VPS41: variants seen among roughly 807,000 people sequenced by gnomAD.
VPS41 encodes the protein VPS41 subunit of HOPS complex.
A neutral mutation model predicts 130.9 loss-of-function variants in VPS41; 85 were observed. The observed-to-expected ratio is 0.65, with a 90% CI of 0.55 to 0.78. The LOEUF (loss-of-function observed/expected upper bound fraction) is 0.78, where lower values mean the gene tolerates loss of function less well. Ranked by LOEUF, VPS41 falls within the 30% of genes least tolerant of loss-of-function variation. The pLI is 0.00. For missense variants in VPS41, 874 were observed against 1,018.7 expected (o/e 0.86, Z 1.93); for synonymous variants, 335 against 332.9 (o/e 1.01, Z -0.07).
chr7:38,869,941 C>A (rs1786313024), intron 2 of VPS41, among the ~76,000 whole-genome samples: 1 of 152,186 alleles, frequency 6.6e-6, no homozygotes, highest in Non-Finnish European at 1.5e-5. Flanking sequence ...TATATAACAA[C>A]ATCTATCCAA....
chr7:38,742,735 A>G (rs771637721), intron 24 of VPS41, among the ~76,000 whole-genome samples: 4 of 149,670 alleles, frequency 2.7e-5, no homozygotes, highest in Admixed American at 2.1e-4. Flanking sequence ...AGGTAGTTAC[A>G]TGAACACAAA....
chr7:38,748,391 T>C (rs1796029418), intron 22 of VPS41, among the ~76,000 whole-genome samples: 1 of 152,134 alleles, frequency 6.6e-6, no homozygotes, highest in Non-Finnish European at 1.5e-5. Context: ...AATAAGAACC[T>C]TATCAAATGT....
At position 38,754,891 on chromosome 7, in the gene VPS41, T is replaced by G. The variant is rs1289225018; in HGVS notation, c.1737+4A>C. 1 of 1,613,368 alleles carries G rather than the reference T, an allele frequency of 6.2e-7. No individual in the cohort carries two copies. The highest frequency in any genetic ancestry group is 1.7e-4 in the Middle Eastern group (1 of 6,052). On this transcript the variant is annotated splice_donor_region_variant and intron_variant, in intron 20 of 28. Coordinates refer to ENST00000310301, the MANE Select transcript of VPS41 (RefSeq NM_014396.4). ...TAACACATATAAAAACAAATGACAC[T>G]CACTGAAATTTTATCTTCATTGTCC...
intron 8 of VPS41, 115 bp from the exon 9 acceptor site, chr7:38,795,726 T>C (rs1784606236): frequency 2.1e-6 from 2 of 936,294 alleles, no homozygotes; most frequent in Middle Eastern, 2.5e-4. Flanking sequence ...ATTAGCAGTG[T>C]TTACTGAGCA....
In VPS41 at chr7:38,877,654, C is replaced by T. The variant is rs1207780422; in HGVS notation, c.61-8401G>A. Among the ~76,000 whole-genome samples, 3 of 152,064 alleles carry T rather than the reference C, an allele frequency of 2.0e-5. No homozygotes were observed. The East Asian group carries it at 5.8e-4, about 29-fold the overall frequency. On this transcript the variant is annotated intron_variant, in intron 2 of 28. Transcript: ENST00000310301. Reference sequence around the variant, plus strand: ...CAAGTGCAAAGAAGCAACTTGCTAACCACCCCCACCAAAGCCTCTACCAGT... The same window carrying T: ...CAAGTGCAAAGAAGCAACTTGCTAATCACCCCCACCAAAGCCTCTACCAGT...
chr7:38,804,606 A>C (rs1269193344), intron 7 of VPS41, among the ~76,000 whole-genome samples: 1 of 152,258 alleles, frequency 6.6e-6, no homozygotes, highest in East Asian at 1.9e-4. Flanking sequence ...CCATGAAAAC[A>C]AAATAAGTTA....
intron 17 of VPS41, among the ~76,000 whole-genome samples, chr7:38,762,610 T>C (rs1445110969): frequency 6.6e-6 from 1 of 152,206 alleles, no homozygotes; most frequent in Non-Finnish European, 1.5e-5. Context: ...TGACCTTCAG[T>C]GCTCTGTTTA....
At chr7:38,878,870 A>T (rs934093224) in intron 2 of VPS41, among the ~76,000 whole-genome samples, 4 of 152,274 alleles carry the variant, frequency 2.6e-5, no homozygotes, top group Admixed American at 1.3e-4. Context: ...TCCCATCATC[A>T]GCAGGAAACA....
chr7:38,760,741 T>G (rs1783893796), intron 17 of VPS41, among the ~76,000 whole-genome samples: 1 of 152,136 alleles, frequency 6.6e-6, no homozygotes, highest in African/African-American at 2.4e-5. Flanking sequence ...GAGATCTGTC[T>G]CAGTCACTTT....
At chr7:38,805,572 A>G (rs75751497) in intron 7 of VPS41, among the ~76,000 whole-genome samples, 1 of 46,040 alleles carries the variant, frequency 2.2e-5, no homozygotes, top group African/African-American at 8.5e-5. Flanking sequence ...CCAAAAGTTG[A>G]AAAAAAAAAA....
At position 38,862,536 on chromosome 7, in the gene VPS41, A is replaced by G. The variant is rs1423573866; in HGVS notation, c.246+9T>C. The G allele has an allele frequency of 6.5e-7, 1 of 1,545,368 alleles. No individual in the cohort carries two copies. The highest frequency in any genetic ancestry group is 8.9e-7 in the Non-Finnish European group (1 of 1,123,702). On this transcript the variant is annotated intron_variant, in intron 4 of 28. Coordinates refer to ENST00000310301, the MANE Select transcript of VPS41 (RefSeq NM_014396.4). ...TTAGCTCATACATTATTTTATACAG[A>G]ATACTTACTACATCAAACTTCTGAG...
intron 1 of VPS41, among the ~76,000 whole-genome samples, chr7:38,904,298 A>G (rs1267658173): frequency 6.6e-6 from 1 of 152,222 alleles, no homozygotes; most frequent in African/African-American, 2.4e-5. Context: ...CTAGCCGACC[A>G]ATTCAGGTGA....
At chr7:38,820,258 T>C (rs1340509385) in intron 6 of VPS41, among the ~76,000 whole-genome samples, 2 of 152,218 alleles carry the variant, frequency 1.3e-5, no homozygotes, top group African/African-American at 4.8e-5. Context: ...AGTATTATAT[T>C]AGGCTTCTAA....
intron 7 of VPS41, among the ~76,000 whole-genome samples, chr7:38,802,818 A>C (rs1026731711): frequency 6.6e-6 from 1 of 152,138 alleles, no homozygotes; most frequent in Non-Finnish European, 1.5e-5. Context: ...TAAGCCATTG[A>C]AAAAAACTAC....
intron 22 of VPS41, among the ~76,000 whole-genome samples, chr7:38,750,666 C>T (rs978729403): frequency 6.6e-6 from 1 of 152,172 alleles, no homozygotes; most frequent in African/African-American, 2.4e-5. Flanking sequence ...CTGCTCCCTA[C>T]TGGGTGAAGC....
chr7:38,821,409 A>C, intron 5 of VPS41, 144 bp from the exon 6 acceptor site: 1 of 616,780 alleles, frequency 1.6e-6, no homozygotes, highest in Non-Finnish European at 2.8e-6. Flanking sequence ...ATCTAATGAA[A>C]ACAATCCCAT....
chr7:38,773,685 A>C (rs1339386823), intron 12 of VPS41, among the ~76,000 whole-genome samples: 1 of 152,204 alleles, frequency 6.6e-6, no homozygotes, highest in African/African-American at 2.4e-5. Context: ...AAAATGTGCC[A>C]GAAGTCTTTC....
chr7:38,894,205 C>T (rs1288233321), intron 2 of VPS41, among the ~76,000 whole-genome samples: 1 of 152,162 alleles, frequency 6.6e-6, no homozygotes, highest in Non-Finnish European at 1.5e-5. Context: ...AAGGAGGAAT[C>T]TCTGGTGGAC....
At chr7:38,750,471 G>A (rs1279350888) in intron 22 of VPS41, among the ~76,000 whole-genome samples, 3 of 152,122 alleles carry the variant, frequency 2.0e-5, no homozygotes, top group African/African-American at 4.8e-5. Flanking sequence ...AGTGGGACAC[G>A]AGATAAATTT....
Sources: gnomAD v4.1 joint callset for allele counts (sites outside exome capture counted in the v4.1 genomes callset) on GRCh38, gnomAD v4.1.1 for gene constraint, MANE v1.5 for transcripts, NCBI Gene and HGNC (gene_info 2026-07-23, HGNC 2026-07-21) for gene names.